Variants in FOXP1 observed in about 807,000 individuals in gnomAD.
The protein encoded by FOXP1 is forkhead box P1.
Under a neutral mutation model 98.2 loss-of-function variants are expected in FOXP1, and 15 were observed. That is an observed-to-expected ratio of 0.15 (90% CI 0.10 to 0.24). FOXP1 has a LOEUF of 0.24. Among genes scored for constraint, FOXP1 ranks in the 10% least tolerant of loss-of-function variants. The pLI is 1.00. For missense variants in FOXP1, 633 were observed against 848.5 expected, an observed-to-expected ratio of 0.75 and a Z score of 3.15; for synonymous variants, 371 against 314.5, an observed-to-expected ratio of 1.18 and a Z score of -1.90.
At chr3:71,003,268 G>A (rs1559690893) in intron 12 of FOXP1, among the ~76,000 whole-genome samples, 1 of 152,346 alleles carries the variant, frequency 6.6e-6, no homozygotes, top group East Asian at 1.9e-4. Flanking sequence ...ATGAAACGCA[G>A]TGAGAGCCTG....
intron 7 of FOXP1, chr3:71,064,810 T>C: frequency 4.1e-6 from 4 of 984,276 alleles, no homozygotes; most frequent in Non-Finnish European, 4.8e-6. Flanking sequence ...CAAAGATCAA[T>C]CAGAAGGACC....
intron 5 of FOXP1, among the ~76,000 whole-genome samples, chr3:71,272,662 C>G (rs762244572): frequency 5.1e-4 from 77 of 152,024 alleles, no homozygotes; most frequent in Non-Finnish European, 9.7e-4. Context: ...GACTAGCAAC[C>G]CTTTAATGTC....
chr3:71,234,260 C>G (rs2066588282), intron 5 of FOXP1, among the ~76,000 whole-genome samples: 1 of 152,078 alleles, frequency 6.6e-6, no homozygotes, highest in Non-Finnish European at 1.5e-5. Context: ...GGACAAACAC[C>G]TCAAAACACA....
At position 71,416,588 on chromosome 3, in the gene FOXP1, A is replaced by ACGCACACG. The variant is rs1469244287; in HGVS notation, c.-167-57345_-167-57344insCGTGTGCG. Among the ~76,000 whole-genome samples the ACGCACACG allele has an allele frequency of 3.8e-3, 559 of 147,670 alleles. 4 individuals are homozygous for ACGCACACG. Among genetic ancestry groups the ACGCACACG allele is most frequent in the African/African-American group, 0.013 (531 of 39,590 alleles). ...CACACACACACACACACACACACAC[A>ACGCACACG]CACACGCAAAAAAAAATGACGTATG... On this transcript the variant is annotated intron_variant, in intron 3 of 20. Transcript: ENST00000649528.
intron 12 of FOXP1, among the ~76,000 whole-genome samples, chr3:71,003,961 A>C (rs964883725): frequency 1.3e-5 from 2 of 152,018 alleles, no homozygotes; most frequent in Non-Finnish European, 2.9e-5. Flanking sequence ...GAGTTCAGCA[A>C]ATGTTGCCCA....
At chr3:71,115,247 ACT>A (rs1180606112) in intron 6 of FOXP1, among the ~76,000 whole-genome samples, 1 of 151,582 alleles carries the variant, frequency 6.6e-6, no homozygotes, top group East Asian at 1.9e-4. Context: ...AGTAATGAAG[ACT>A]CTATATAACT....
chr3:71,488,031 A>T (rs1009481588), intron 3 of FOXP1, among the ~76,000 whole-genome samples: 1 of 152,228 alleles, frequency 6.6e-6, no homozygotes, highest in African/African-American at 2.4e-5. Flanking sequence ...AAGGACAGAA[A>T]GGGTTCTTTC....
intron 2 of FOXP1, among the ~76,000 whole-genome samples, chr3:71,505,985 T>A (rs9853072): frequency 0.26 from 39,776 of 152,164 alleles, 5,723 homozygotes; most frequent in Non-Finnish European, 0.33. Context: ...TCTGCCTCTC[T>A]GGGCAAGAAG....
chr3:71,118,011 G>A (rs1437975231), intron 6 of FOXP1, among the ~76,000 whole-genome samples: 8 of 152,166 alleles, frequency 5.3e-5, no homozygotes, highest in Admixed American at 2.6e-4. Flanking sequence ...GTGGTGGCAG[G>A]CACGCATCAC....
intron 5 of FOXP1, among the ~76,000 whole-genome samples, chr3:71,284,153 G>C (rs1048447854): frequency 5.9e-5 from 9 of 152,128 alleles, no homozygotes; most frequent in African/African-American, 2.2e-4. Flanking sequence ...TTCTCATCCA[G>C]TACTGATAGG....
chr3:71,536,922 C>A lies in FOXP1; in HGVS notation c.-297-43367G>T, dbSNP rs112594378. On this transcript the variant is annotated intron_variant, in intron 2 of 20. Coordinates refer to ENST00000649528, the MANE Select transcript of FOXP1 (RefSeq NM_001349338.3). The stretch of plus-strand genomic sequence containing the variant: ...TGCAGAATAGCAGCGATGACGGCCA[C>A]GCAGAGATGTAGAAGTGACTTAACA... Among the ~76,000 whole-genome samples, 507 of 152,208 alleles carry A rather than the reference C, an allele frequency of 3.3e-3. 2 individuals are homozygous for A. Among genetic ancestry groups the A allele is most frequent in the Non-Finnish European group, 5.6e-3 (381 of 68,022 alleles).
At chr3:71,508,117 C>T (rs1168613052) in intron 2 of FOXP1, among the ~76,000 whole-genome samples, 1 of 152,136 alleles carries the variant, frequency 6.6e-6, no homozygotes, top group Non-Finnish European at 1.5e-5. Context: ...GTGCTGCTGC[C>T]TATAAACTTA....
intron 7 of FOXP1, among the ~76,000 whole-genome samples, chr3:71,077,742 A>G (rs1269376869): frequency 2.6e-5 from 4 of 152,140 alleles, no homozygotes; most frequent in Admixed American, 6.5e-5. Context: ...AAATGAATAA[A>G]CCAACGAATG....
chr3:70,992,547 G>C (rs552025558), intron 13 of FOXP1, among the ~76,000 whole-genome samples: 1 of 152,270 alleles, frequency 6.6e-6, no homozygotes, highest in South Asian at 2.1e-4. Flanking sequence ...CTTAGTACCA[G>C]TGAAAAACTT....
chr3:71,297,677 G>A (rs1357957923), intron 5 of FOXP1, among the ~76,000 whole-genome samples: 2 of 146,014 alleles, frequency 1.4e-5, no homozygotes, highest in Admixed American at 6.9e-5. Flanking sequence ...GAACAGTGGT[G>A]CGATCTCAGT....
At chr3:71,360,273 G>A (rs2078464705) in intron 3 of FOXP1, among the ~76,000 whole-genome samples, 1 of 152,138 alleles carries the variant, frequency 6.6e-6, no homozygotes, top group Non-Finnish European at 1.5e-5. Flanking sequence ...ATGGACACAG[G>A]CGCCCTACTA....
chr3:71,205,757 G>T (rs2063990069), intron 5 of FOXP1, among the ~76,000 whole-genome samples: 1 of 152,158 alleles, frequency 6.6e-6, no homozygotes, highest in Non-Finnish European at 1.5e-5. Flanking sequence ...GCAGGGCTTG[G>T]TACACGTAAG....
At chr3:71,022,789 C>T (rs192308301) in intron 11 of FOXP1, among the ~76,000 whole-genome samples, 1 of 152,262 alleles carries the variant, frequency 6.6e-6, no homozygotes, top group Non-Finnish European at 1.5e-5. Context: ...AGTGGTAAAA[C>T]CTCCACCAAA....
chr3:71,290,596 C>G (rs1160832850), intron 5 of FOXP1, among the ~76,000 whole-genome samples: 2 of 152,176 alleles, frequency 1.3e-5, no homozygotes, highest in Non-Finnish European at 2.9e-5. Flanking sequence ...AGATCTTGCT[C>G]TACCTCAAAG....
Sources: gnomAD v4.1 joint callset for allele counts (sites outside exome capture counted in the v4.1 genomes callset) on GRCh38, gnomAD v4.1.1 for gene constraint, MANE v1.5 for transcripts, NCBI Gene and HGNC (gene_info 2026-07-23, HGNC 2026-07-21) for gene names.